The following ASCC3 variants were observed in gnomAD, a reference collection of about 807,000 sequenced individuals.
ASCC3 encodes the protein ASC-1 complex subunit P200.
A neutral mutation model predicts 256.3 loss-of-function variants in ASCC3; 158 were observed. The observed-to-expected ratio is 0.62, with a 90% CI of 0.54 to 0.70. The LOEUF is 0.70. Among genes scored for constraint, ASCC3 ranks in the 30% least tolerant of loss-of-function variants. The pLI is 0.00. For synonymous variants in ASCC3, 948 were observed against 883.4 expected, an observed-to-expected ratio of 1.07 and a Z score of -1.30; for missense variants, 2,259 against 2,626.0, an observed-to-expected ratio of 0.86 and a Z score of 3.05.
chr6:100,602,683 A>G (rs1022688440), intron 33 of ASCC3, among the ~76,000 whole-genome samples: 8 of 152,108 alleles, frequency 5.3e-5, no homozygotes, highest in African/African-American at 1.9e-4. Context: ...ATTTGTAAAT[A>G]TTAAAGTCCC....
intron 36 of ASCC3, among the ~76,000 whole-genome samples, chr6:100,563,162 T>C (rs1462130779): frequency 6.6e-6 from 1 of 152,122 alleles, no homozygotes; most frequent in Non-Finnish European, 1.5e-5. Flanking sequence ...ATGACATATA[T>C]TAATGCTTTT....
At chr6:100,671,133 A>G (rs1344335131) in intron 14 of ASCC3, among the ~76,000 whole-genome samples, 3 of 152,042 alleles carry the variant, frequency 2.0e-5, no homozygotes, top group Non-Finnish European at 4.4e-5. Flanking sequence ...CAAACACACA[A>G]TGGTTGTTGT....
intron 4 of ASCC3, among the ~76,000 whole-genome samples, chr6:100,813,763 C>T (rs1444310694): frequency 6.6e-6 from 1 of 151,754 alleles, no homozygotes; most frequent in Non-Finnish European, 1.5e-5. Flanking sequence ...TGCAATATCA[C>T]ACTTTCAATA....
chr6:100,675,625 A>G lies in ASCC3; in HGVS notation c.2286+3993T>C, dbSNP rs75432449. Among the ~76,000 whole-genome samples, 10 of 152,348 alleles carry G rather than the reference A, an allele frequency of 6.6e-5. No homozygotes were observed. In the East Asian group the frequency reaches 1.9e-3, roughly 29 times the overall value. ...TTATACTTTAAAGCAGCTTGAGGATACGTATTACTATTGGATTCTTCCTCT... is the reference window on the plus strand; with the variant it reads ...TTATACTTTAAAGCAGCTTGAGGATGCGTATTACTATTGGATTCTTCCTCT... On this transcript the variant is annotated intron_variant, in intron 14 of 41. Coordinates refer to ENST00000369162, the MANE Select transcript of ASCC3 (RefSeq NM_006828.4).
chr6:100,708,445 C>T (rs973227987), intron 13 of ASCC3, among the ~76,000 whole-genome samples: 6 of 152,144 alleles, frequency 3.9e-5, no homozygotes, highest in Admixed American at 3.9e-4. Context: ...ATTTTACACA[C>T]ATTTAGATGA....
intron 36 of ASCC3, among the ~76,000 whole-genome samples, chr6:100,556,714 T>C (rs1192229574): frequency 6.6e-6 from 1 of 152,080 alleles, no homozygotes; most frequent in Non-Finnish European, 1.5e-5. Context: ...TTGGCAAGAC[T>C]GTGTTGGGTA....
chr6:100,848,799 T>A, intron 3 of ASCC3, 92 bp from the exon 4 acceptor site: 1 of 1,239,588 alleles, frequency 8.1e-7, no homozygotes, highest in Non-Finnish European at 1.2e-6. Context: ...TTCTCCTGAG[T>A]AAATCTAACA....
intron 10 of ASCC3, among the ~76,000 whole-genome samples, chr6:100,765,741 T>C (rs926170865): frequency 1.3e-5 from 2 of 152,214 alleles, no homozygotes; most frequent in African/African-American, 4.8e-5. Context: ...TCAAAATTGA[T>C]TGAGACCTGT....
intron 36 of ASCC3, among the ~76,000 whole-genome samples, chr6:100,583,036 G>T (rs981060325): frequency 6.6e-6 from 1 of 152,188 alleles, no homozygotes; most frequent in Non-Finnish European, 1.5e-5. Context: ...AAGGATATTG[G>T]TCTAAAATTC....
At chr6:100,679,405 T>C (rs1283915348) in intron 14 of ASCC3, among the ~76,000 whole-genome samples, 1 of 152,164 alleles carries the variant, frequency 6.6e-6, no homozygotes, top group Non-Finnish European at 1.5e-5. Flanking sequence ...GGCACTTCAA[T>C]TATAACCATA....
At chr6:100,751,652 A>T (rs1043116368) in intron 10 of ASCC3, among the ~76,000 whole-genome samples, 1 of 152,114 alleles carries the variant, frequency 6.6e-6, no homozygotes, top group Non-Finnish European at 1.5e-5. Flanking sequence ...GTGTTTGATT[A>T]TAGGGAGCTG....
chr6:100,574,449 T>C (rs955682710), intron 36 of ASCC3, among the ~76,000 whole-genome samples: 2 of 152,118 alleles, frequency 1.3e-5, no homozygotes, highest in Non-Finnish European at 2.9e-5. Context: ...AGTTTTTATA[T>C]TATTTTTCCA....
In ASCC3 at chr6:100,679,638, A is replaced by T; in HGVS notation, c.2266T>A (p.Tyr756Asn). 6.2e-7 allele frequency: 1 copy of T among 1,613,612 alleles called. No individual in the cohort carries two copies. Among genetic ancestry groups the T allele is most frequent in the Non-Finnish European group, 8.5e-7 (1 of 1,179,716 alleles). ...PFFFPTQGHD[Y>N]VLAEKQVQRS... ...CTTACCTGTTTTTCTGCAAGTACAT[A>T]GTCATGTCCTTGGGTAGGAAAAAAG... The change falls in exon 14 of 42, where the codon TAT (tyrosine) becomes AAT (asparagine). Residue 756 changes from tyrosine to asparagine, a missense_variant. Physicochemically the swap from Tyr to Asn is moderately radical, Grantham distance 143. Around this residue, in one of 2 missense-constraint regions of ASCC3, gnomAD observed 1,839 missense variants for 2,206.7 expected, o/e 0.83. Transcript: ENST00000369162.
At chr6:100,790,234 G>A (rs1769289384) in intron 8 of ASCC3, among the ~76,000 whole-genome samples, 1 of 151,946 alleles carries the variant, frequency 6.6e-6, no homozygotes, top group African/African-American at 2.4e-5. Context: ...TAAATAGTCT[G>A]AAAAGGAAAC....
intron 13 of ASCC3, among the ~76,000 whole-genome samples, chr6:100,708,408 C>T (rs58266877): frequency 0.44 from 66,633 of 151,866 alleles, 14,836 homozygotes; most frequent in South Asian, 0.6. Context: ...CTTTCTTACA[C>T]GATGTCCTAA....
intron 16 of ASCC3, among the ~76,000 whole-genome samples, chr6:100,661,284 A>T (rs1446849562): frequency 1.3e-5 from 2 of 149,220 alleles, no homozygotes; most frequent in Middle Eastern, 3.5e-3. Flanking sequence ...GATGTTACCT[A>T]GGCTTCCAGG....
chr6:100,715,717 A>T (rs1167186299), intron 12 of ASCC3, among the ~76,000 whole-genome samples, 184 bp from the exon 13 acceptor site: 1 of 151,726 alleles, frequency 6.6e-6, no homozygotes. Flanking sequence ...AACGCAACTT[A>T]AAAGTACAAA....
At chr6:100,867,517 T>C (rs1054939093) in intron 2 of ASCC3, among the ~76,000 whole-genome samples, 4 of 152,134 alleles carry the variant, frequency 2.6e-5, no homozygotes, top group African/African-American at 9.7e-5. Context: ...GTACAGACAC[T>C]GCTTTTGTTC....
intron 1 of ASCC3, among the ~76,000 whole-genome samples, chr6:100,875,245 G>C (rs998978123): frequency 2.0e-5 from 3 of 152,178 alleles, no homozygotes; most frequent in African/African-American, 7.2e-5. Flanking sequence ...TGTGGAATAG[G>C]ATTTAAAGAA....
Sources: gnomAD v4.1 joint callset for allele counts (sites outside exome capture counted in the v4.1 genomes callset) on GRCh38, gnomAD v4.1.1 for gene constraint, gnomAD v4.1.1 regional missense constraint, MANE v1.5 for transcripts, NCBI Gene and HGNC (gene_info 2026-07-23, HGNC 2026-07-21) for gene names.